Variants in SRPRA observed in about 807,000 individuals in gnomAD.
SRPRA encodes the protein SRP receptor subunit alpha, also known as signal recognition particle receptor subunit alpha.
In SRPRA, 30 loss-of-function variants were observed where a neutral mutation model predicts 61.1. That is an observed-to-expected ratio of 0.49 (90% CI 0.37 to 0.67). The LOEUF (loss-of-function observed/expected upper bound fraction) is 0.67, where lower values mean the gene tolerates loss of function less well. Ranked by LOEUF, SRPRA falls within the 30% of genes least tolerant of loss-of-function variation. SRPRA has a pLI of 0.00. For missense variants in SRPRA, 759 were observed against 828.4 expected, an observed-to-expected ratio of 0.92 and a Z score of 1.03; for synonymous variants, 324 against 299.7, an observed-to-expected ratio of 1.08 and a Z score of -0.84.
chr11:126,267,056 G>C lies in SRPRA; in HGVS notation c.526+119C>G, dbSNP rs73017356. 46,477 of 1,523,446 alleles carry C rather than the reference G, an allele frequency of 0.031. 875 individuals are homozygous for C. Among genetic ancestry groups the C allele is most frequent in the Non-Finnish European group, 0.036 (40,776 of 1,129,192 alleles). The allele number at this position is 1,523,446 out of a possible 1,614,324, so 94.4% of individuals were successfully genotyped here. On this transcript the variant is annotated intron_variant, in intron 4 of 13. Transcript: ENST00000332118. This position sits in a 1 kb window ranked among gnomAD's most constrained non-coding sequence, Gnocchi z 4.2. Reference sequence around the variant, plus strand: ...GAGTTCATAAGGCCTGGGGATTATAGGATGGTGACCATTTGAGTGAGAAGC... The same window carrying C: ...GAGTTCATAAGGCCTGGGGATTATACGATGGTGACCATTTGAGTGAGAAGC...
At chr11:126,268,110 G>A (rs368922739) in intron 1 of SRPRA, 24 bp from the exon 2 acceptor site, 2 of 1,608,696 alleles carry the variant, frequency 1.2e-6, no homozygotes, top group African/African-American at 2.7e-5. Flanking sequence ...ATGTCTCAGT[G>A]TTCAGACTAT....
the SRPRA span, among the ~76,000 whole-genome samples, chr11:126,244,113 G>A: frequency 2.6e-5 from 4 of 152,030 alleles, no homozygotes; most frequent in East Asian, 3.9e-4. This position sits in a 1 kb window ranked among gnomAD's most constrained non-coding sequence, Gnocchi z 4.5. Flanking sequence ...GATAAAGACC[G>A]TATATGAAAA....
chr11:126,247,261 C>T, the SRPRA span, among the ~76,000 whole-genome samples: 1 of 152,146 alleles, frequency 6.6e-6, no homozygotes, highest in Admixed American at 6.5e-5. Flanking sequence ...CACTGTACTC[C>T]AGCTTGGTGA....
chr11:126,257,930 C>T, the SRPRA span, among the ~76,000 whole-genome samples: 1 of 152,142 alleles, frequency 6.6e-6, no homozygotes, highest in Non-Finnish European at 1.5e-5. Flanking sequence ...GCACAAAACA[C>T]AAACATTTTT....
In SRPRA at chr11:126,263,995, A is replaced by G; in HGVS notation, c.1838T>C (p.Phe613Ser). 3 of 1,614,186 alleles carry G rather than the reference A, an allele frequency of 1.9e-6. No homozygotes were observed. Among genetic ancestry groups the G allele is most frequent in the Non-Finnish European group, 2.5e-6 (3 of 1,180,026 alleles). The change falls in exon 14 of 14, where the codon TTT (phenylalanine) becomes TCT (serine). Residue 613 changes from phenylalanine (F) to serine (S), a missense_variant. By Grantham distance (155) the Phe-to-Ser change is radical. Coordinates refer to ENST00000332118, the MANE Select transcript of SRPRA (RefSeq NM_003139.4). ...MTYITSKPIV[F>S]VGTGQTYCDL... is the part of the protein sequence containing the mutation. ...ACAGTAGGTCTGGCCGGTGCCCACA[A>G]AGACGATGGGTTTGCTTGTGATGTA...
chr11:126,266,173 T>G lies in SRPRA; in HGVS notation c.932+14A>C. On this transcript the variant is annotated intron_variant, in intron 7 of 13. Transcript: ENST00000332118. ...GCAGATGCATATACCAACCCCCACC[T>G]GAAATTCCCCTACCTAGGTTTGGTA... The G allele has an allele frequency of 1.9e-6, 3 of 1,613,844 alleles. No homozygotes were observed. The highest frequency in any genetic ancestry group is 2.5e-6 in the Non-Finnish European group (3 of 1,179,802).
In SRPRA at chr11:126,267,959, G is replaced by A. The variant is rs7130615; in HGVS notation, c.201+44C>T. On this transcript the variant is annotated intron_variant, in intron 2 of 13. Transcript: ENST00000332118. This position sits in a 1 kb window ranked among gnomAD's most constrained non-coding sequence, Gnocchi z 4.2. Reference sequence around the variant, plus strand: ...AATCAGAGTTCTCTTAAAAATCAGGGCTATGTTAACAATGCAATCGTCCCT... The same window carrying A: ...AATCAGAGTTCTCTTAAAAATCAGGACTATGTTAACAATGCAATCGTCCCT... 184,195 of 1,579,644 alleles carry A rather than the reference G, an allele frequency of 0.12. 11,216 individuals carry two copies. The highest frequency in any genetic ancestry group is 0.14 in the South Asian group (12,816 of 90,258).
In SRPRA at chr11:126,265,242, G is replaced by A; in HGVS notation, c.1311+26C>T. The A allele has an allele frequency of 1.2e-6, 2 of 1,613,648 alleles. No homozygotes were observed. Among genetic ancestry groups the A allele is most frequent in the African/African-American group, 2.7e-5 (2 of 75,050 alleles). ...AGACACAAGAAGTACAGAAATATCA[G>A]CGATAGGCTGGGGAACTGCACTGAC... On this transcript the variant is annotated intron_variant, in intron 10 of 13. Coordinates refer to ENST00000332118, the MANE Select transcript of SRPRA (RefSeq NM_003139.4). This position sits in a 1 kb window ranked among gnomAD's most constrained non-coding sequence, Gnocchi z 6.3.
chr11:126,256,214 C>T, the SRPRA span, among the ~76,000 whole-genome samples: 22 of 152,252 alleles, frequency 1.4e-4, 1 homozygote, highest in East Asian at 3.9e-3. This position sits in a 1 kb window ranked among gnomAD's most constrained non-coding sequence, Gnocchi z 6.6. Context: ...TGCAGTAAGC[C>T]GAGGTCACAC....
the SRPRA span, among the ~76,000 whole-genome samples, chr11:126,247,909 C>T: frequency 7.0e-6 from 1 of 143,294 alleles, no homozygotes. Flanking sequence ...ATACGTATAT[C>T]TATATAGATA....
In SRPRA at chr11:126,264,186, T is replaced by G; in HGVS notation, c.1788+5A>C. 5 of 1,613,962 alleles carry G rather than the reference T, an allele frequency of 3.1e-6. No individual in the cohort carries two copies. Among genetic ancestry groups the G allele is most frequent in the Non-Finnish European group, 4.2e-6 (5 of 1,179,910 alleles). On this transcript the variant is annotated splice_donor_5th_base_variant and intron_variant, in intron 13 of 13. Transcript: ENST00000332118. This position sits in a 1 kb window ranked among gnomAD's most constrained non-coding sequence, Gnocchi z 5.0. Reference sequence around the variant, plus strand: ...GCCCATTCCAGCCTCCAGTCTCACGTTTACCTTGTCATCAATGGTATCAAA... The same window carrying G: ...GCCCATTCCAGCCTCCAGTCTCACGGTTACCTTGTCATCAATGGTATCAAA...
chr11:126,243,528 A>G, the SRPRA span, among the ~76,000 whole-genome samples: 1 of 151,988 alleles, frequency 6.6e-6, no homozygotes, highest in Non-Finnish European at 1.5e-5. Context: ...GGACACAAAA[A>G]TCCTCAACAA....
rs1331639181 is a variant in SRPRA at position 126,264,009 on chromosome 11, G to A, written c.1824C>T (p.Ser608=). Residue 608 remains serine (S), a synonymous_variant, in exon 14 of 14, where the codon AGC becomes AGT. Transcript: ENST00000332118. This position sits in a 1 kb window ranked among gnomAD's most constrained non-coding sequence, Gnocchi z 5.0. ...GAAISMTYIT[S]KPIVFVGTGQ... is the part of the protein sequence containing the mutation. Reference sequence around the variant, plus strand: ...CGGTGCCCACAAAGACGATGGGTTTGCTTGTGATGTACGTCATAGAAATAG... The same window carrying A: ...CGGTGCCCACAAAGACGATGGGTTTACTTGTGATGTACGTCATAGAAATAG... 1 of 1,614,182 alleles carries A rather than the reference G, an allele frequency of 6.2e-7. No homozygotes were observed. The highest frequency in any genetic ancestry group is 1.7e-5 in the Admixed American group (1 of 60,032).
chr11:126,246,007 A>AAAAG, the SRPRA span, among the ~76,000 whole-genome samples: 114 of 151,898 alleles, frequency 7.5e-4, no homozygotes, highest in Non-Finnish European at 1.3e-3. Context: ...AAAAAAAAAA[A>AAAAG]AAAGAAAGAA....
chr11:126,250,096 T>G, the SRPRA span, among the ~76,000 whole-genome samples: 2 of 151,124 alleles, frequency 1.3e-5, no homozygotes, highest in Non-Finnish European at 3.0e-5. This position sits in a 1 kb window ranked among gnomAD's most constrained non-coding sequence, Gnocchi z 5.1. Context: ...CCCGGGATTT[T>G]TTTTTTTTTT....
At chr11:126,241,871 A>G in the SRPRA span, among the ~76,000 whole-genome samples, 15 of 151,704 alleles carry the variant, frequency 9.9e-5, no homozygotes, top group African/African-American at 3.4e-4. Context: ...CTTAAAAATC[A>G]GGCTTCTAGG....
the SRPRA span, among the ~76,000 whole-genome samples, chr11:126,253,858 T>C: frequency 6.6e-6 from 1 of 152,216 alleles, no homozygotes; most frequent in Non-Finnish European, 1.5e-5. This position sits in a 1 kb window ranked among gnomAD's most constrained non-coding sequence, Gnocchi z 5.1. Context: ...GCCAACACTT[T>C]TCAAGCTTCT....
chr11:126,261,457 T>G (rs1216456656), downstream of SRPRA: 2 of 1,613,994 alleles, frequency 1.2e-6, no homozygotes, highest in Non-Finnish European at 1.7e-6. Context: ...GCTAAATGGC[T>G]CATCTGCAGC....
At chr11:126,247,444 A>G in the SRPRA span, among the ~76,000 whole-genome samples, 11 of 152,108 alleles carry the variant, frequency 7.2e-5, no homozygotes, top group Admixed American at 7.2e-4. Context: ...TTTTCCCCCC[A>G]GGTTTTAACC....
Sources: allele counts gnomAD v4.1 joint callset (sites outside exome capture counted in the v4.1 genomes callset), GRCh38; gene constraint gnomAD v4.1.1; non-coding constraint Gnocchi (gnomAD v3.1); transcripts MANE v1.5; gene names NCBI Gene and HGNC (gene_info 2026-07-23, HGNC 2026-07-21).